SLC9A9: variants seen among roughly 807,000 people sequenced by gnomAD.
SLC9A9 encodes the protein sodium/hydrogen exchanger 9.
In SLC9A9, 62 loss-of-function variants were observed where a neutral mutation model predicts 77.8. The observed-to-expected ratio is 0.80, with a 90% CI of 0.65 to 0.98. The LOEUF (loss-of-function observed/expected upper bound fraction) is 0.98, where lower values mean the gene tolerates loss of function less well. Among genes scored for constraint, SLC9A9 ranks in the 50% least tolerant of loss-of-function variants. The probability of loss-of-function intolerance (pLI) is 0.00; values close to 1 mark genes in which losing one functional copy is unlikely to be tolerated. For missense variants in SLC9A9, 775 were observed against 774.9 expected (o/e 1.00, Z 0.00); for synonymous variants, 320 against 283.5 (o/e 1.13, Z -1.29).
In SLC9A9 at chr3:143,265,936, A is replaced by T; in HGVS notation, c.*766T>A. 1 of 642,584 alleles carries T rather than the reference A, an allele frequency of 1.6e-6. No homozygotes were observed. Among genetic ancestry groups the T allele is most frequent in the East Asian group, 2.7e-5 (1 of 36,454 alleles). The allele number at this position is 642,584 out of a possible 1,614,324, so 39.8% of individuals were successfully genotyped here. On this transcript the variant is annotated 3_prime_UTR_variant, in exon 16 of 16. Transcript: ENST00000316549. Reference sequence around the variant, plus strand: ...GCCAAGAAGTGACTCACATGCAGGCAAGGACGGGAAGGCTTGTTCTTCAGG... The same window carrying T: ...GCCAAGAAGTGACTCACATGCAGGCTAGGACGGGAAGGCTTGTTCTTCAGG...
chr3:143,708,709 G>A (rs1360111577), intron 4 of SLC9A9, among the ~76,000 whole-genome samples: 1 of 152,092 alleles, frequency 6.6e-6, no homozygotes, highest in African/African-American at 2.4e-5. Context: ...ACTAATTTGA[G>A]AGACAACACA....
intron 14 of SLC9A9, among the ~76,000 whole-genome samples, chr3:143,305,927 A>G (rs1486932385): frequency 6.6e-6 from 1 of 152,128 alleles, no homozygotes. Flanking sequence ...TCAAATTTGT[A>G]TTTATTTGCC....
intron 2 of SLC9A9, among the ~76,000 whole-genome samples, chr3:143,803,689 A>G (rs2008630775): frequency 6.6e-6 from 1 of 151,978 alleles, no homozygotes; most frequent in Non-Finnish European, 1.5e-5. Flanking sequence ...CTCCCCAGCT[A>G]TCTCCACCAC....
intron 12 of SLC9A9, among the ~76,000 whole-genome samples, chr3:143,399,799 C>T (rs1389326347): frequency 1.3e-5 from 2 of 152,120 alleles, no homozygotes; most frequent in Non-Finnish European, 2.9e-5. Context: ...ACCACACTAT[C>T]GACATCCTAA....
chr3:143,727,538 A>G (rs1336844493), intron 4 of SLC9A9, among the ~76,000 whole-genome samples: 3 of 152,048 alleles, frequency 2.0e-5, no homozygotes, highest in African/African-American at 7.2e-5. Flanking sequence ...GACCAACACT[A>G]GTTTCTTTTA....
intron 12 of SLC9A9, among the ~76,000 whole-genome samples, chr3:143,439,697 A>T (rs2108543405): frequency 6.6e-6 from 1 of 151,816 alleles, no homozygotes; most frequent in East Asian, 1.9e-4. Flanking sequence ...GTATCCCCCC[A>T]ACTCCCCTCA....
chr3:143,636,911 C>T (rs2038532914), intron 6 of SLC9A9, among the ~76,000 whole-genome samples: 1 of 152,126 alleles, frequency 6.6e-6, no homozygotes, highest in Non-Finnish European at 1.5e-5. Flanking sequence ...GCCCCCACCC[C>T]AAGATCACAA....
chr3:143,545,979 T>C (rs544447702), intron 9 of SLC9A9, among the ~76,000 whole-genome samples: 2 of 152,340 alleles, frequency 1.3e-5, no homozygotes, highest in South Asian at 4.1e-4. Flanking sequence ...TAGAGCATGA[T>C]CCTTAAAACC....
chr3:143,327,275 C>A (rs969853030), intron 14 of SLC9A9, among the ~76,000 whole-genome samples: 1 of 152,004 alleles, frequency 6.6e-6, no homozygotes, highest in Non-Finnish European at 1.5e-5. Flanking sequence ...AAAAAAAAAT[C>A]TGATAAAAGT....
chr3:143,354,909 A>C (rs1260072215), intron 14 of SLC9A9, among the ~76,000 whole-genome samples: 2 of 152,262 alleles, frequency 1.3e-5, no homozygotes, highest in Admixed American at 6.5e-5. Flanking sequence ...GTAAGGTACA[A>C]GAGTAATAAT....
At chr3:143,794,007 C>T (rs1576730302) in intron 4 of SLC9A9, among the ~76,000 whole-genome samples, 1 of 152,154 alleles carries the variant, frequency 6.6e-6, no homozygotes, top group Non-Finnish European at 1.5e-5. Context: ...CTGCCTTAAA[C>T]CATTCTGAAT....
intron 2 of SLC9A9, among the ~76,000 whole-genome samples, chr3:143,818,979 AG>A (rs2009097687): frequency 6.6e-6 from 1 of 152,120 alleles, no homozygotes; most frequent in Non-Finnish European, 1.5e-5. Context: ...GCTACTCAGG[AG>A]GCTGAGGTAG....
At chr3:143,671,834 C>G (rs892461629) in intron 5 of SLC9A9, among the ~76,000 whole-genome samples, 34 of 152,176 alleles carry the variant, frequency 2.2e-4, no homozygotes, top group African/African-American at 8.0e-4. Flanking sequence ...GGGAGGTACT[C>G]TGGTCTAACA....
At chr3:143,507,694 T>G (rs2036045042) in intron 9 of SLC9A9, among the ~76,000 whole-genome samples, 1 of 152,248 alleles carries the variant, frequency 6.6e-6, no homozygotes, top group Non-Finnish European at 1.5e-5. Flanking sequence ...GGTGGGAGTA[T>G]GAAGAATACA....
intron 12 of SLC9A9, among the ~76,000 whole-genome samples, chr3:143,425,196 A>G (rs1313032277): frequency 6.6e-6 from 1 of 152,056 alleles, no homozygotes; most frequent in Non-Finnish European, 1.5e-5. Context: ...GGAAGTTTAA[A>G]ATTAACAGAT....
intron 12 of SLC9A9, among the ~76,000 whole-genome samples, chr3:143,449,697 T>TA (rs374827647): frequency 0.17 from 1,424 of 8,378 alleles, 206 homozygotes; most frequent in East Asian, 0.56. Flanking sequence ...AATATAATTA[T>TA]ATTATATAAT....
intron 4 of SLC9A9, among the ~76,000 whole-genome samples, chr3:143,790,483 T>C (rs1173792009): frequency 1.3e-5 from 2 of 152,198 alleles, no homozygotes; most frequent in African/African-American, 4.8e-5. Context: ...GAGGTCTTAG[T>C]CTGTCAGACA....
At chr3:143,385,658 G>A (rs917033541) in intron 12 of SLC9A9, among the ~76,000 whole-genome samples, 3 of 152,152 alleles carry the variant, frequency 2.0e-5, no homozygotes, top group Non-Finnish European at 2.9e-5. Flanking sequence ...TCATTTATAC[G>A]TAATGAGTTT....
At chr3:143,527,558 C>A (rs937118905) in intron 9 of SLC9A9, among the ~76,000 whole-genome samples, 1 of 152,174 alleles carries the variant, frequency 6.6e-6, no homozygotes, top group Non-Finnish European at 1.5e-5. Context: ...GAAGATATTC[C>A]TATAGATTCC....
Sources: allele counts gnomAD v4.1 joint callset (sites outside exome capture counted in the v4.1 genomes callset), GRCh38; gene constraint gnomAD v4.1.1; transcripts MANE v1.5; gene names NCBI Gene and HGNC (gene_info 2026-07-23, HGNC 2026-07-21).